CTNNA3: variants seen among roughly 807,000 people sequenced by gnomAD.
CTNNA3 encodes catenin alpha 3.
Under a neutral mutation model 95.7 loss-of-function variants are expected in CTNNA3, and 76 were observed. That is an observed-to-expected ratio of 0.79 (90% CI 0.66 to 0.96). CTNNA3 has a LOEUF of 0.96. Among genes scored for constraint, CTNNA3 ranks in the 40% least tolerant of loss-of-function variants. CTNNA3 has a pLI of 0.00. For synonymous variants in CTNNA3, 431 were observed against 374.4 expected, an observed-to-expected ratio of 1.15 and a Z score of -1.74; for missense variants, 1,191 against 1,089.8, an observed-to-expected ratio of 1.09 and a Z score of -1.31.
At chr10:67,073,093 G>A (rs1856554489) in intron 7 of CTNNA3, among the ~76,000 whole-genome samples, 1 of 152,146 alleles carries the variant, frequency 6.6e-6, no homozygotes. Context: ...TGCCCTCAGG[G>A]AAATAAATAC....
chr10:67,667,345 T>C (rs1840350104), intron 1 of CTNNA3, among the ~76,000 whole-genome samples: 1 of 152,160 alleles, frequency 6.6e-6, no homozygotes, highest in African/African-American at 2.4e-5. Flanking sequence ...TACTATCTAA[T>C]TAGCTAAAAT....
intron 15 of CTNNA3, among the ~76,000 whole-genome samples, chr10:66,064,745 T>C (rs2080278833): frequency 1.3e-5 from 2 of 152,276 alleles, no homozygotes; most frequent in Middle Eastern, 3.4e-3. Context: ...TTAGGATCTA[T>C]ATATGGGCTA....
chr10:67,629,009 TAAA>T (rs903782545), intron 2 of CTNNA3, among the ~76,000 whole-genome samples: 1 of 143,926 alleles, frequency 6.9e-6, no homozygotes, highest in African/African-American at 2.5e-5. Context: ...AGAACTCTAA[TAAA>T]AAAAAAAACT....
chr10:66,830,650 C>A (rs909978497), intron 7 of CTNNA3, among the ~76,000 whole-genome samples: 1 of 151,862 alleles, frequency 6.6e-6, no homozygotes, highest in Non-Finnish European at 1.5e-5. Flanking sequence ...AGCTCTGTTG[C>A]CCAGGCTGGA....
At chr10:66,859,854 A>G (rs1158381104) in intron 7 of CTNNA3, among the ~76,000 whole-genome samples, 1 of 131,052 alleles carries the variant, frequency 7.6e-6, no homozygotes, top group East Asian at 2.0e-4. Context: ...TGATGAGTTC[A>G]TGTCCTTTGT....
At chr10:66,529,446 T>TGTTG (rs59441999) in intron 10 of CTNNA3, among the ~76,000 whole-genome samples, 2 of 133,988 alleles carry the variant, frequency 1.5e-5, no homozygotes, top group South Asian at 2.5e-4. Flanking sequence ...AGTGTTTTTT[T>TGTTG]TTTGTTTTTT....
At chr10:66,967,446 T>C (rs1849492375) in intron 7 of CTNNA3, among the ~76,000 whole-genome samples, 1 of 151,720 alleles carries the variant, frequency 6.6e-6, no homozygotes, top group Non-Finnish European at 1.5e-5. Flanking sequence ...TGCATATGAA[T>C]TACAATTAAT....
At chr10:66,052,357 T>C (rs946972129) in intron 15 of CTNNA3, among the ~76,000 whole-genome samples, 2 of 152,084 alleles carry the variant, frequency 1.3e-5, no homozygotes, top group African/African-American at 4.8e-5. Flanking sequence ...AAAATACAAA[T>C]ATCAAAGATT....
At chr10:66,854,992 T>C (rs915759053) in intron 7 of CTNNA3, among the ~76,000 whole-genome samples, 1 of 151,878 alleles carries the variant, frequency 6.6e-6, no homozygotes, top group African/African-American at 2.4e-5. Flanking sequence ...ATAAAAAATA[T>C]ATATATGCAC....
At chr10:66,687,880 G>A (rs34018067) in intron 9 of CTNNA3, among the ~76,000 whole-genome samples, 56,929 of 150,940 alleles carry the variant, frequency 0.38, 11,090 homozygotes, top group Non-Finnish European at 0.41. Context: ...ATTTATTGAG[G>A]AAAAAAATGA....
intron 15 of CTNNA3, among the ~76,000 whole-genome samples, chr10:66,032,482 T>C (rs866320788): frequency 3.3e-5 from 5 of 152,308 alleles, no homozygotes; most frequent in Middle Eastern, 6.8e-3. Flanking sequence ...GATTTTTTTT[T>C]CCACAGTCCA....
intron 15 of CTNNA3, among the ~76,000 whole-genome samples, chr10:66,040,405 T>A (rs2079660553): frequency 6.6e-6 from 1 of 152,082 alleles, no homozygotes; most frequent in South Asian, 2.1e-4. Flanking sequence ...TAAATTGTTC[T>A]ATTGTAAAGA....
At chr10:66,665,811 A>AT (rs1452098141) in intron 9 of CTNNA3, among the ~76,000 whole-genome samples, 1 of 152,102 alleles carries the variant, frequency 6.6e-6, no homozygotes, top group African/African-American at 2.4e-5. Context: ...TGTTTTATAA[A>AT]TTTTTTCCCT....
At chr10:67,071,054 T>G (rs945662756) in intron 7 of CTNNA3, among the ~76,000 whole-genome samples, 8 of 152,194 alleles carry the variant, frequency 5.3e-5, no homozygotes, top group Non-Finnish European at 1.0e-4. Flanking sequence ...GTTTTAAACT[T>G]CATTTATCAC....
intron 7 of CTNNA3, among the ~76,000 whole-genome samples, chr10:66,991,371 A>T (rs1045105885): frequency 1.1e-4 from 16 of 152,294 alleles, no homozygotes; most frequent in Non-Finnish European, 8.8e-5. Flanking sequence ...AAATTAAAGG[A>T]TATTTTATCA....
chr10:67,359,233 TA>T (rs1842917515), intron 5 of CTNNA3, among the ~76,000 whole-genome samples: 1 of 139,774 alleles, frequency 7.2e-6, no homozygotes, highest in African/African-American at 2.7e-5. Context: ...TCAAATGACA[TA>T]ACTTTAAAAA....
At position 67,241,835 on chromosome 10, in the gene CTNNA3, T is replaced by C. The variant is rs1338495161; in HGVS notation, c.580-21965A>G. Among the ~76,000 whole-genome samples, 3 of 152,250 alleles carry C rather than the reference T, an allele frequency of 2.0e-5. No homozygotes were observed. The East Asian group carries it at 5.8e-4, about 29-fold the overall frequency. ...AAGGCACACACATATTAATAAAAAG[T>C]GGTGATGGTGATTTTTTTCAGAAAG... On this transcript the variant is annotated intron_variant, in intron 5 of 17. Coordinates refer to ENST00000433211, the MANE Select transcript of CTNNA3 (RefSeq NM_013266.4).
intron 17 of CTNNA3, among the ~76,000 whole-genome samples, chr10:65,944,923 A>G (rs984615868): frequency 1.3e-4 from 20 of 151,728 alleles, no homozygotes; most frequent in Admixed American, 1.2e-3. Context: ...TCTATTTATC[A>G]TCTATCTATA....
intron 13 of CTNNA3, among the ~76,000 whole-genome samples, chr10:66,225,699 G>A (rs970828147): frequency 7.9e-5 from 12 of 151,478 alleles, no homozygotes; most frequent in Non-Finnish European, 1.6e-4. Context: ...CTCATCAACA[G>A]TGTATAAGAG....
Sources: allele counts gnomAD v4.1 joint callset (sites outside exome capture counted in the v4.1 genomes callset), GRCh38; gene constraint gnomAD v4.1.1; transcripts MANE v1.5; gene names NCBI Gene and HGNC (gene_info 2026-07-23, HGNC 2026-07-21).